The following RREB1 variants were observed in gnomAD, a reference collection of about 807,000 sequenced individuals.
RREB1 encodes the protein ras responsive element binding protein 1.
In RREB1, 27 loss-of-function variants were observed where a neutral mutation model predicts 117.8. The observed-to-expected ratio is 0.23, with a 90% confidence interval of 0.17 to 0.32. RREB1 has a LOEUF of 0.32. Among genes scored for constraint, RREB1 ranks in the 10% least tolerant of loss-of-function variants. The pLI is 1.00. For missense variants in RREB1, 2,577 were observed against 2,378.2 expected, an observed-to-expected ratio of 1.08 and a Z score of -1.74; for synonymous variants, 1,298 against 1,026.7, an observed-to-expected ratio of 1.26 and a Z score of -5.05.
intron 6 of RREB1, among the ~76,000 whole-genome samples, chr6:7,204,127 A>G (rs917927353): frequency 6.6e-6 from 1 of 152,240 alleles, no homozygotes; most frequent in African/African-American, 2.4e-5. Context: ...TTTGGAGGTC[A>G]GCACAGGTGC....
At chr6:7,147,117 C>A (rs946294223) in intron 1 of RREB1, among the ~76,000 whole-genome samples, 8 of 152,144 alleles carry the variant, frequency 5.3e-5, no homozygotes, top group African/African-American at 1.9e-4. Context: ...TTTTCTGTGT[C>A]CTCTCTGGAT....
intron 6 of RREB1, among the ~76,000 whole-genome samples, chr6:7,205,381 G>A (rs1325608075): frequency 6.6e-6 from 1 of 152,210 alleles, no homozygotes; most frequent in Non-Finnish European, 1.5e-5. Flanking sequence ...GGAAACTGAA[G>A]CTGAGGTAGC....
chr6:7,145,682 G>A (rs1389818927), intron 1 of RREB1, among the ~76,000 whole-genome samples: 1 of 151,736 alleles, frequency 6.6e-6, no homozygotes, highest in African/African-American at 2.4e-5. Flanking sequence ...GAGGAGAATT[G>A]GGAGATGGAG....
Position 7,192,116 on chromosome 6 carries a change from A to ATT in RREB1, c.425+2820_425+2821dup, listed in dbSNP as rs34074532. Among the ~76,000 whole-genome samples, 84 of 15,326 alleles carry ATT rather than the reference A, an allele frequency of 5.5e-3. 9 individuals carry two copies. The highest frequency in any genetic ancestry group is 0.023 in the African/African-American group (76 of 3,360). The allele number at this position is 15,326 out of a possible 152,430, so 10.1% of individuals were successfully genotyped here. ...AAAAGGTATTGGATTTTGTCAGATG[A>ATT]TTTTTTTTTTTTTTTTTTTTTTTTT... On this transcript the variant is annotated intron_variant, in intron 6 of 12. Transcript: ENST00000379938.
rs748764583 is a variant in RREB1 at position 7,230,924 on chromosome 6, A to C, written c.2825A>C (p.Asn942Thr). The change falls in exon 10 of 13, where the codon AAC becomes ACC. Residue 942 changes from asparagine (N) to threonine (T), a missense_variant. Coordinates refer to ENST00000379938, the MANE Select transcript of RREB1 (RefSeq NM_001003699.4). ...CCCATCGACCTGTCCATCCCCAAGAACTTCAGGAAAGGGGACAAGGATTTG... is the reference window on the plus strand; with the variant it reads ...CCCATCGACCTGTCCATCCCCAAGACCTTCAGGAAAGGGGACAAGGATTTG... ...MEPIDLSIPK[N>T]FRKGDKDLAT... 6.2e-7 allele frequency: 1 copy of C among 1,614,038 alleles called. No homozygotes were observed. Among genetic ancestry groups the C allele is most frequent in the East Asian group, 2.2e-5 (1 of 44,874 alleles).
chr6:7,211,337 C>CGG (rs879417729), intron 7 of RREB1, among the ~76,000 whole-genome samples: 1,541 of 54,716 alleles, frequency 0.028, 77 homozygotes, highest in East Asian at 0.16. Flanking sequence ...GATGGATGGA[C>CGG]AGATGGATGG....
chr6:7,140,808 G>A (rs1439966794), intron 1 of RREB1: 1 of 152,286 alleles, frequency 6.6e-6, no homozygotes, highest in African/African-American at 2.4e-5. Context: ...CCTGCTCGCA[G>A]GTGGGCTTGC....
intron 1 of RREB1, among the ~76,000 whole-genome samples, chr6:7,161,016 A>G (rs1763634775): frequency 6.6e-6 from 1 of 152,074 alleles, no homozygotes; most frequent in Non-Finnish European, 1.5e-5. Flanking sequence ...TTTTTTGTCT[A>G]GATAGAGTTT....
chr6:7,127,032 G>T (rs757044877), intron 1 of RREB1, among the ~76,000 whole-genome samples: 1 of 152,228 alleles, frequency 6.6e-6, no homozygotes, highest in Non-Finnish European at 1.5e-5. Flanking sequence ...GCAAAAAGCA[G>T]TTTAAGTACA....
intron 1 of RREB1, among the ~76,000 whole-genome samples, chr6:7,116,977 A>G (rs1654842568): frequency 1.3e-5 from 2 of 152,204 alleles, no homozygotes; most frequent in African/African-American, 4.8e-5. Flanking sequence ...CTGCTTAGTT[A>G]GAGTTTTGTT....
rs1054161157 is a variant in RREB1 at position 7,249,125 on chromosome 6, C to T, written c.*157C>T. On this transcript the variant is annotated 3_prime_UTR_variant, in exon 13 of 13. Transcript: ENST00000379938. ...AGAGACAAGCAGGAGCGTGGCTGCT[C>T]GCTCAGTGCCATAGCCTTACCGCAG... The T allele has an allele frequency of 5.2e-5, 35 of 673,862 alleles. No individual in the cohort carries two copies. Among genetic ancestry groups the T allele is most frequent in the African/African-American group, 3.6e-4 (20 of 55,036 alleles). 41.7% of individuals were successfully genotyped at this position (673,862 alleles called of 1,614,324 possible).
intron 1 of RREB1, among the ~76,000 whole-genome samples, chr6:7,117,302 A>T (rs1461979965): frequency 1.3e-5 from 2 of 150,172 alleles, no homozygotes; most frequent in Admixed American, 1.3e-4. Context: ...AAAGAGGTAG[A>T]TATGTCTTCA....
chr6:7,123,512 T>C (rs2113324010), intron 1 of RREB1, among the ~76,000 whole-genome samples: 1 of 151,908 alleles, frequency 6.6e-6, no homozygotes, highest in East Asian at 1.9e-4. Flanking sequence ...AGGAGATTAC[T>C]GAATAAGTTA....
At chr6:7,207,757 A>T (rs6597255) in intron 6 of RREB1, among the ~76,000 whole-genome samples, 1 of 152,036 alleles carries the variant, frequency 6.6e-6, no homozygotes, top group African/African-American at 2.4e-5. Flanking sequence ...GGGGCTGTTC[A>T]CTTTTGAAAA....
chr6:7,230,615 C>G lies in RREB1; in HGVS notation c.2516C>G (p.Ala839Gly), dbSNP rs779617342. ...DGLGPAEAPA[A>G]EASGRGEDSG... ...CTGGGCCCCGCAGAGGCGCCGGCCGCTGAGGCGTCGGGGCGCGGGGAGGAC... is the reference window on the plus strand; with the variant it reads ...CTGGGCCCCGCAGAGGCGCCGGCCGGTGAGGCGTCGGGGCGCGGGGAGGAC... The change falls in exon 10 of 13, where the codon GCT becomes GGT. Residue 839 changes from alanine (A) to glycine (G), a missense_variant. Ala to Gly is a moderately conservative substitution (Grantham distance 60, BLOSUM62 0). Coordinates refer to ENST00000379938, the MANE Select transcript of RREB1 (RefSeq NM_001003699.4). 6.2e-7 allele frequency: 1 copy of G among 1,604,964 alleles called. No homozygotes were observed. Among genetic ancestry groups the G allele is most frequent in the African/African-American group, 1.3e-5 (1 of 74,662 alleles).
At chr6:7,241,581 G>A (rs1768708893) in intron 11 of RREB1, among the ~76,000 whole-genome samples, 4 of 152,206 alleles carry the variant, frequency 2.6e-5, no homozygotes, top group South Asian at 2.1e-4. Context: ...GGGGTGCCCT[G>A]TAGTTACGAG....
intron 1 of RREB1, among the ~76,000 whole-genome samples, chr6:7,147,638 T>C (rs1456181299): frequency 6.6e-6 from 1 of 152,208 alleles, no homozygotes; most frequent in African/African-American, 2.4e-5. Context: ...CCCCTCTCTG[T>C]CTGCCTCCAT....
chr6:7,168,431 T>C (rs1764060151), intron 1 of RREB1, among the ~76,000 whole-genome samples: 1 of 152,218 alleles, frequency 6.6e-6, no homozygotes, highest in African/African-American at 2.4e-5. Flanking sequence ...AAGAGTCTTC[T>C]AACCTGGTCT....
intron 6 of RREB1, among the ~76,000 whole-genome samples, chr6:7,200,640 C>T (rs1443568335): frequency 1.3e-5 from 2 of 152,158 alleles, no homozygotes; most frequent in African/African-American, 4.8e-5. Flanking sequence ...TAGAATTTCT[C>T]TCTGAATTGA....
Sources: gnomAD v4.1 joint callset for allele counts (sites outside exome capture counted in the v4.1 genomes callset) on GRCh38, gnomAD v4.1.1 for gene constraint, MANE v1.5 for transcripts, NCBI Gene and HGNC (gene_info 2026-07-23, HGNC 2026-07-21) for gene names.